PLCE1: variants seen among roughly 807,000 people sequenced by gnomAD.
PLCE1 encodes 1-phosphatidylinositol 4,5-bisphosphate phosphodiesterase epsilon-1.
Under a neutral mutation model 242.8 loss-of-function variants are expected in PLCE1, and 119 were observed. The observed-to-expected ratio is 0.49, with a 90% CI of 0.42 to 0.57. The LOEUF (loss-of-function observed/expected upper bound fraction) is 0.57. PLCE1 is among the 20% of genes least tolerant of loss of function. PLCE1 has a pLI of 0.00. For missense variants in PLCE1, 2,441 were observed against 2,788.8 expected (o/e 0.88, Z 2.81); for synonymous variants, 945 against 1,017.4 (o/e 0.93, Z 1.35).
At chr10:94,247,308 C>T (rs190513098) in intron 8 of PLCE1, among the ~76,000 whole-genome samples, 62 of 151,036 alleles carry the variant, frequency 4.1e-4, no homozygotes, top group African/African-American at 1.4e-3. Flanking sequence ...TGACCCTGGT[C>T]GCGGTTTTTA....
At chr10:94,271,108 T>G (rs192590419) in intron 18 of PLCE1, among the ~76,000 whole-genome samples, 229 of 152,104 alleles carry the variant, frequency 1.5e-3, no homozygotes, top group Non-Finnish European at 3.0e-3. Flanking sequence ...TGGTCCCTAT[T>G]TTCAGCTGGA....
intron 4 of PLCE1, among the ~76,000 whole-genome samples, chr10:94,187,183 C>CGT (rs1554879682): frequency 1.8e-5 from 2 of 111,866 alleles, no homozygotes; most frequent in Admixed American, 1.8e-4. Flanking sequence ...TGTGTGTGTG[C>CGT]GTGCACACAC....
At position 94,330,705 on chromosome 10, in the gene PLCE1, A is replaced by ATT. The variant is rs2054148280; in HGVS notation, c.*2762_*2763insTT. 6.6e-6 allele frequency: 1 copy of ATT among 152,140 alleles called. No homozygotes were observed. The highest frequency in any genetic ancestry group is 1.5e-5 in the Non-Finnish European group (1 of 68,062). 9.4% of individuals were successfully genotyped at this position (152,140 alleles called of 1,614,324 possible). On this transcript the variant is annotated 3_prime_UTR_variant, in exon 33 of 33. Transcript: ENST00000371380. The stretch of plus-strand genomic sequence containing the variant: ...AGACTCCATCTCAAAAAAAAAAAAA[A>ATT]AAAGTAAAGAGTCTAGTCTACTATT...
chr10:94,247,502 G>A lies in PLCE1; in HGVS notation c.3096+881G>A, dbSNP rs529551213. ...GTGACTAGCTGATTCACTGAAAACT[G>A]TCCCTATTGAAATTAAAATCCTGGT... On this transcript the variant is annotated intron_variant, in intron 8 of 32. Coordinates refer to ENST00000371380, the MANE Select transcript of PLCE1 (RefSeq NM_016341.4). Among the ~76,000 whole-genome samples, 10 of 152,204 alleles carry A rather than the reference G, an allele frequency of 6.6e-5. No homozygotes were observed. The South Asian group carries it at 1.2e-3, about 19-fold the overall frequency.
chr10:94,197,259 T>A (rs952947200), intron 4 of PLCE1, among the ~76,000 whole-genome samples: 13 of 152,242 alleles, frequency 8.5e-5, no homozygotes, highest in Non-Finnish European at 1.8e-4. Context: ...ATTTGAATTA[T>A]GTATACTTTT....
At chr10:94,311,296 G>A (rs939919017) in intron 27 of PLCE1, among the ~76,000 whole-genome samples, 13 of 152,310 alleles carry the variant, frequency 8.5e-5, no homozygotes, top group Admixed American at 2.0e-4. Context: ...CTGGCAGCAG[G>A]GCTGAAGGTT....
chr10:94,091,497 A>G (rs1157817378), intron 2 of PLCE1, among the ~76,000 whole-genome samples: 5 of 152,198 alleles, frequency 3.3e-5, no homozygotes, highest in African/African-American at 9.7e-5. Flanking sequence ...AAAGATAACT[A>G]TAGTTCATTA....
intron 2 of PLCE1, among the ~76,000 whole-genome samples, chr10:94,111,342 C>G (rs528392961): frequency 6.6e-6 from 1 of 152,274 alleles, no homozygotes; most frequent in South Asian, 2.1e-4. Context: ...CTCACTAGGA[C>G]TGAGACACCA....
rs1342172298 is a variant in PLCE1 at position 94,330,052 on chromosome 10, G to A, written c.*2109G>A. ...CATGCCAAACAGTTTGCCCTACCAC[G>A]TGTTGAAAACTGAGTTGCTGGTCTA... On this transcript the variant is annotated 3_prime_UTR_variant, in exon 33 of 33. Coordinates refer to ENST00000371380, the MANE Select transcript of PLCE1 (RefSeq NM_016341.4). The A allele has an allele frequency of 6.6e-6, 1 of 152,136 alleles. No individual in the cohort carries two copies. The highest frequency in any genetic ancestry group is 1.5e-5 in the Non-Finnish European group (1 of 68,036). 9.4% of individuals were successfully genotyped at this position (152,136 alleles called of 1,614,324 possible).
At chr10:94,213,278 C>T (rs1023942253) in intron 4 of PLCE1, among the ~76,000 whole-genome samples, 3 of 152,138 alleles carry the variant, frequency 2.0e-5, no homozygotes, top group Non-Finnish European at 4.4e-5. Flanking sequence ...TGTTCTTTGC[C>T]TGGAAAAGAT....
intron 7 of PLCE1, among the ~76,000 whole-genome samples, chr10:94,239,860 A>G (rs921604205): frequency 1.3e-5 from 2 of 152,234 alleles, no homozygotes; most frequent in Non-Finnish European, 2.9e-5. Flanking sequence ...ATAAAATGAT[A>G]GGAAATCAGT....
intron 14 of PLCE1, among the ~76,000 whole-genome samples, chr10:94,263,469 A>G (rs1460950561): frequency 1.3e-5 from 2 of 151,024 alleles, no homozygotes; most frequent in African/African-American, 4.9e-5. Context: ...AGCTGAGATC[A>G]CACCACTGCA....
chr10:94,096,903 G>A (rs374272567), intron 2 of PLCE1: 1 of 152,248 alleles, frequency 6.6e-6, no homozygotes, highest in African/African-American at 2.4e-5. Context: ...ATATCAGCGA[G>A]TCTGACTTCC....
chr10:94,183,835 C>A (rs1312164596), intron 4 of PLCE1, among the ~76,000 whole-genome samples: 1 of 152,034 alleles, frequency 6.6e-6, no homozygotes, highest in South Asian at 2.1e-4. Context: ...AGGGGGATGT[C>A]CCAGACTCTT....
intron 18 of PLCE1, among the ~76,000 whole-genome samples, chr10:94,273,216 T>G (rs2051815613): frequency 6.6e-6 from 1 of 152,230 alleles, no homozygotes; most frequent in African/African-American, 2.4e-5. Context: ...TTGACTTGAC[T>G]TCATCTGAAA....
intron 26 of PLCE1, among the ~76,000 whole-genome samples, chr10:94,307,881 T>A (rs959758440): frequency 1.3e-5 from 2 of 152,190 alleles, no homozygotes; most frequent in Non-Finnish European, 2.9e-5. Context: ...ATTATAGAAA[T>A]GTGAGAAAGT....
intron 2 of PLCE1, among the ~76,000 whole-genome samples, chr10:94,077,824 G>A (rs2044550581): frequency 6.6e-6 from 1 of 152,044 alleles, no homozygotes; most frequent in South Asian, 2.1e-4. Flanking sequence ...ACATCTTTGT[G>A]CACTTTGAGA....
intron 4 of PLCE1, among the ~76,000 whole-genome samples, chr10:94,221,475 G>A (rs943747634): frequency 6.6e-6 from 1 of 152,202 alleles, no homozygotes; most frequent in Non-Finnish European, 1.5e-5. Flanking sequence ...AGTGGCTCAC[G>A]CCTGGAATCC....
chr10:94,148,530 TAGA>T (rs1156864310), intron 3 of PLCE1, among the ~76,000 whole-genome samples: 1 of 152,204 alleles, frequency 6.6e-6, no homozygotes, highest in African/African-American at 2.4e-5. Flanking sequence ...TCACCTGCCC[TAGA>T]AGGTCTCTCT....
Sources: allele counts gnomAD v4.1 joint callset (sites outside exome capture counted in the v4.1 genomes callset), GRCh38; gene constraint gnomAD v4.1.1; transcripts MANE v1.5; gene names NCBI Gene and HGNC (gene_info 2026-07-23, HGNC 2026-07-21).